The following CDH1 variants were observed in gnomAD, a reference collection of about 807,000 sequenced individuals.
The protein encoded by CDH1 is cadherin-1.
CDH1 carries 35 observed loss-of-function variants against 84.5 expected under a neutral mutation model. The observed-to-expected ratio is 0.41, with a 90% CI of 0.32 to 0.55. CDH1 has a LOEUF of 0.55. Ranked by LOEUF, CDH1 falls within the 20% of genes least tolerant of loss-of-function variation. The probability of loss-of-function intolerance (pLI) is 0.19; values close to 1 mark genes in which losing one functional copy is unlikely to be tolerated. For synonymous variants in CDH1, 417 were observed against 439.0 expected (o/e 0.95, Z 0.63); for missense variants, 994 against 1,126.6 (o/e 0.88, Z 1.68).
intron 2 of CDH1, among the ~76,000 whole-genome samples, chr16:68,768,403 C>T (rs772003593): frequency 6.6e-6 from 1 of 152,204 alleles, no homozygotes; most frequent in Non-Finnish European, 1.5e-5. Context: ...ATGAGTTAAG[C>T]ATAAATCTGT....
rs368272150 is a variant in CDH1 at position 68,825,073 on chromosome 16, GTC to G, written c.2164+1451_2164+1452del. The stretch of plus-strand genomic sequence containing the variant: ...CCAGCCTGGGCAACAAAGCAAGACT[GTC>G]TCTACAAAATAAAAATAAAAAATAC... On this transcript the variant is annotated intron_variant, in intron 13 of 15. Coordinates refer to ENST00000261769, the MANE Select transcript of CDH1 (RefSeq NM_004360.5). Among the ~76,000 whole-genome samples, 772 of 152,068 alleles carry G rather than the reference GTC, an allele frequency of 5.1e-3. 4 individuals carry two copies. The highest frequency in any genetic ancestry group is 0.017 in the South Asian group (80 of 4,818).
At chr16:68,751,986 C>CT (rs1297075855) in intron 2 of CDH1, among the ~76,000 whole-genome samples, 1 of 145,734 alleles carries the variant, frequency 6.9e-6, no homozygotes, top group African/African-American at 2.6e-5. Context: ...AGTCTCAACT[C>CT]TGTCACCCAG....
chr16:68,777,534 C>CTTTTTTTTTTTTTTTTT (rs71148949), intron 2 of CDH1, among the ~76,000 whole-genome samples: 1 of 76,968 alleles, frequency 1.3e-5, no homozygotes, highest in East Asian at 4.3e-4. Flanking sequence ...GTAATGTTTC[C>CTTTTTTTTTTTTTTTTT]TTTTTTTTTT....
At chr16:68,823,107 C>T (rs1188781589) in intron 12 of CDH1, 3 of 395,904 alleles carry the variant, frequency 7.6e-6, no homozygotes, top group East Asian at 5.3e-5. Context: ...GGGAGCCTAC[C>T]GAACCCAGCG....
chr16:68,764,777 G>A (rs1959319841), intron 2 of CDH1, among the ~76,000 whole-genome samples: 1 of 152,116 alleles, frequency 6.6e-6, no homozygotes, highest in African/African-American at 2.4e-5. Flanking sequence ...AGGTGGCCAG[G>A]GAGCCCCTTC....
chr16:68,752,832 A>C (rs948104727), intron 2 of CDH1, among the ~76,000 whole-genome samples: 1 of 152,206 alleles, frequency 6.6e-6, no homozygotes, highest in East Asian at 1.9e-4. Context: ...AAATCTAGGC[A>C]GATATCTGAG....
At chr16:68,796,453 A>T (rs1597881218) in intron 2 of CDH1, among the ~76,000 whole-genome samples, 1 of 152,152 alleles carries the variant, frequency 6.6e-6, no homozygotes, top group African/African-American at 2.4e-5. Context: ...CTCACATTCC[A>T]GTTATGGGAC....
chr16:68,785,896 G>C (rs890776878), intron 2 of CDH1, among the ~76,000 whole-genome samples: 5 of 152,180 alleles, frequency 3.3e-5, no homozygotes, highest in Admixed American at 2.0e-4. Flanking sequence ...TCATTTTTGT[G>C]TGCAAGCTTT....
chr16:68,829,344 G>C (rs918612634), intron 14 of CDH1, among the ~76,000 whole-genome samples: 1 of 152,186 alleles, frequency 6.6e-6, no homozygotes, highest in African/African-American at 2.4e-5. Context: ...TTTCTCACAA[G>C]CTGGGGTTGG....
Position 68,813,470 on chromosome 16 carries a change from A to G in CDH1, c.1295A>G (p.Asn432Ser), listed in dbSNP as rs1230641631. ...GTCGTCACCACAAATCCAGTGAACA[A>G]CGATGGCATTTTGAAAACAGCAAAG... ...QFVVTTNPVN[N>S]DGILKTAKGL... The change falls in exon 9 of 16, where the codon AAC becomes AGC. Residue 432 changes from asparagine (N) to serine (S), a missense_variant. Transcript: ENST00000261769. 6.2e-7 allele frequency: 1 copy of G among 1,614,186 alleles called. No individual in the cohort carries two copies.
intron 2 of CDH1, among the ~76,000 whole-genome samples, chr16:68,766,954 T>C (rs1403521799): frequency 1.3e-5 from 2 of 152,038 alleles, no homozygotes; most frequent in East Asian, 3.9e-4. Flanking sequence ...CTCGAACTCC[T>C]GACCTCAAGT....
intron 2 of CDH1, among the ~76,000 whole-genome samples, chr16:68,789,239 G>C (rs1960147355): frequency 6.6e-6 from 1 of 151,990 alleles, no homozygotes; most frequent in Non-Finnish European, 1.5e-5. Context: ...ATGTTGCCCA[G>C]GCTGGTCTTG....
intron 2 of CDH1, among the ~76,000 whole-genome samples, chr16:68,744,546 C>A (rs1962672670): frequency 6.6e-6 from 1 of 152,094 alleles, no homozygotes; most frequent in African/African-American, 2.4e-5. Flanking sequence ...TTTAGGCCTC[C>A]TCCCTTTCTG....
intron 10 of CDH1, among the ~76,000 whole-genome samples, chr16:68,817,926 C>A (rs1033612139): frequency 2.0e-5 from 3 of 151,880 alleles, no homozygotes; most frequent in Non-Finnish European, 4.4e-5. Context: ...AGAATTCTAT[C>A]AAAGTTTTGT....
intron 2 of CDH1, among the ~76,000 whole-genome samples, chr16:68,770,668 G>T (rs181396749): frequency 6.6e-6 from 1 of 151,530 alleles, no homozygotes. Flanking sequence ...GGATGTTTGT[G>T]TGGTACCTAG....
intron 11 of CDH1, among the ~76,000 whole-genome samples, chr16:68,820,574 A>G (rs1275777818): frequency 1.3e-5 from 2 of 151,548 alleles, no homozygotes; most frequent in Admixed American, 1.3e-4. Flanking sequence ...CTGGTCTTGA[A>G]CTCCTGACCT....
At chr16:68,813,516 G>T in intron 9 of CDH1, 21 bp downstream of exon 9, 1 of 1,612,828 alleles carries the variant, frequency 6.2e-7, no homozygotes, top group East Asian at 2.2e-5. Context: ...TACCTGGCAA[G>T]ATGCAGAAAC....
At chr16:68,746,254 T>A (rs1962740852) in intron 2 of CDH1, among the ~76,000 whole-genome samples, 1 of 151,954 alleles carries the variant, frequency 6.6e-6, no homozygotes, top group Non-Finnish European at 1.5e-5. Context: ...TGAAACCCCA[T>A]CTCTACTAAA....
rs3074434 is a variant in CDH1, at chr16:68,786,534, C to CTTTTTTTTTTTTTTTTTTTTTTTTTTTT, written c.164-15117_164-15116insTTTTTTTTTTTTTTTTTTTTTTTTTTTT. Among the ~76,000 whole-genome samples, 30 of 73,936 alleles carry CTTTTTTTTTTTTTTTTTTTTTTTTTTTT rather than the reference C, an allele frequency of 4.1e-4. 1 individual carries two copies. The highest frequency in any genetic ancestry group is 7.7e-4 in the African/African-American group (13 of 16,944). The allele number at this position is 73,936 out of a possible 152,430, so 48.5% of individuals were successfully genotyped here. A position where few individuals can be genotyped will look rare whatever the true frequency, so the allele number is the denominator to read the frequency against. ...CTTTCTGCTTTCTTTTTTTTTTTTT[C>CTTTTTTTTTTTTTTTTTTTTTTTTTTTT]TTTTTTTTTTTTTTTTTTTGGTATT... On this transcript the variant is annotated intron_variant, in intron 2 of 15. Transcript: ENST00000261769.
Sources: gnomAD v4.1 joint callset for allele counts (sites outside exome capture counted in the v4.1 genomes callset) on GRCh38, gnomAD v4.1.1 for gene constraint, MANE v1.5 for transcripts, NCBI Gene and HGNC (gene_info 2026-07-23, HGNC 2026-07-21) for gene names.